NTN1: variants seen among roughly 807,000 people sequenced by gnomAD.
NTN1 encodes the protein netrin-1.
A neutral mutation model predicts 54.2 loss-of-function variants in NTN1; 11 were observed. That is an observed-to-expected ratio of 0.20 (90% CI 0.13 to 0.34). The LOEUF (loss-of-function observed/expected upper bound fraction) is 0.34, where lower values mean the gene tolerates loss of function less well. NTN1 is among the 10% of genes least tolerant of loss of function. NTN1 has a pLI of 1.00. For missense variants in NTN1, 740 were observed against 893.1 expected, an observed-to-expected ratio of 0.83 and a Z score of 2.18; for synonymous variants, 371 against 382.0, an observed-to-expected ratio of 0.97 and a Z score of 0.33.
chr17:9,017,467 C>A (rs111905778), upstream of NTN1, among the ~76,000 whole-genome samples: 489 of 152,306 alleles, frequency 3.2e-3, 7 homozygotes, highest in African/African-American at 0.011. Flanking sequence ...CCCCTCCTTC[C>A]TTGCAACGCT....
intron 2 of NTN1, among the ~76,000 whole-genome samples, chr17:9,090,066 G>A (rs1192513166): frequency 1.3e-5 from 2 of 152,116 alleles, no homozygotes; most frequent in African/African-American, 2.4e-5. Flanking sequence ...GCTGGAGGAC[G>A]GGCTGTGGGT....
chr17:9,143,799 C>A (rs1308674520), intron 2 of NTN1, among the ~76,000 whole-genome samples: 1 of 152,160 alleles, frequency 6.6e-6, no homozygotes, highest in Non-Finnish European at 1.5e-5. Context: ...GCTAGCTTTA[C>A]TTCCTAAGGG....
At chr17:9,072,903 T>G (rs547819432) in intron 2 of NTN1, among the ~76,000 whole-genome samples, 1 of 152,180 alleles carries the variant, frequency 6.6e-6, no homozygotes, top group Non-Finnish European at 1.5e-5. Flanking sequence ...TTTCTGGCAA[T>G]CCGGAATGGG....
intron 2 of NTN1, among the ~76,000 whole-genome samples, chr17:9,087,973 C>T (rs761215771): frequency 6.6e-6 from 1 of 152,218 alleles, no homozygotes; most frequent in Non-Finnish European, 1.5e-5. Context: ...CCAATTCGAC[C>T]AGGAGGCTGA....
chr17:9,155,946 C>G (rs2092340715), intron 2 of NTN1, among the ~76,000 whole-genome samples: 1 of 152,168 alleles, frequency 6.6e-6, no homozygotes, highest in Non-Finnish European at 1.5e-5. Context: ...ACAAAATTGC[C>G]ACCGGTTGAG....
chr17:9,234,068 C>T (rs943591399), intron 6 of NTN1, among the ~76,000 whole-genome samples: 1 of 152,260 alleles, frequency 6.6e-6, no homozygotes, highest in African/African-American at 2.4e-5. Flanking sequence ...TGGCCCTGAG[C>T]CCCTTTCTTG....
intron 5 of NTN1, among the ~76,000 whole-genome samples, chr17:9,200,919 C>T (rs994836996): frequency 9.9e-5 from 15 of 152,262 alleles, no homozygotes; most frequent in South Asian, 4.1e-4. Flanking sequence ...CAGTGGCAGG[C>T]GTCACTAAGA....
rs537875516 is a variant in NTN1 at position 9,225,398 on chromosome 17, G to A, written c.1486+4156G>A. 3.9e-5 allele frequency among the ~76,000 whole-genome samples: 6 copies of A among 152,314 alleles called. No individual in the cohort carries two copies. In the East Asian group the frequency reaches 1.2e-3, roughly 29 times the overall value. ...AGGGCTCAGAGGAGCCCTGCGGGGT[G>A]GGGTGGCAGGGCCTCGGGGAGTGTG... On this transcript the variant is annotated intron_variant, in intron 6 of 6. Transcript: ENST00000173229.
chr17:9,029,990 CA>C (rs11393526), intron 2 of NTN1, among the ~76,000 whole-genome samples: 3 of 148,164 alleles, frequency 2.0e-5, no homozygotes, highest in African/African-American at 2.5e-5. Flanking sequence ...AACTCCGTCT[CA>C]AAAAAAAAAG....
intron 2 of NTN1, among the ~76,000 whole-genome samples, chr17:9,146,062 G>A (rs1403516550): frequency 6.6e-6 from 1 of 152,200 alleles, no homozygotes; most frequent in Non-Finnish European, 1.5e-5. Flanking sequence ...GCTGTCTAGG[G>A]TTTGGGAGAC....
chr17:9,163,014 T>C lies in NTN1; in HGVS notation c.1207+13T>C. On this transcript the variant is annotated intron_variant, in intron 3 of 6. Coordinates refer to ENST00000173229, the MANE Select transcript of NTN1 (RefSeq NM_004822.3). ...AAGGCCTGCAAAGGTGGGCTACACG[T>C]GGCGGGGCGGGGGGCTGGGGAGACC... The C allele has an allele frequency of 6.3e-7, 1 of 1,587,252 alleles. No homozygotes were observed. The highest frequency in any genetic ancestry group is 8.6e-7 in the Non-Finnish European group (1 of 1,164,422).
chr17:9,123,370 T>C (rs1378792138), intron 2 of NTN1, among the ~76,000 whole-genome samples: 1 of 152,230 alleles, frequency 6.6e-6, no homozygotes, highest in Non-Finnish European at 1.5e-5. Flanking sequence ...ATGAACTCCT[T>C]ACATATGAAA....
At chr17:9,080,804 AG>A (rs1424469270) in intron 2 of NTN1, among the ~76,000 whole-genome samples, 1 of 152,222 alleles carries the variant, frequency 6.6e-6, no homozygotes, top group Non-Finnish European at 1.5e-5. Flanking sequence ...AAAACTCAGA[AG>A]GACAGCGTTT....
At chr17:9,031,592 A>G (rs1041015751) in intron 2 of NTN1, among the ~76,000 whole-genome samples, 2 of 152,152 alleles carry the variant, frequency 1.3e-5, no homozygotes, top group African/African-American at 4.8e-5. Flanking sequence ...CTTTGTATAC[A>G]TGGACATTTC....
Position 9,042,971 on chromosome 17 carries a change from C to T in NTN1, c.1018+19580C>T, listed in dbSNP as rs574815214. Among the ~76,000 whole-genome samples, 251 of 152,208 alleles carry T rather than the reference C, an allele frequency of 1.6e-3. 1 individual carries two copies. Among genetic ancestry groups the T allele is most frequent in the African/African-American group, 5.9e-3 (244 of 41,516 alleles). ...GTTTGTTAGAATTAGCCCATCTGAG[C>T]CCTGTGTCATTTTTGAAAGTAGTTA... On this transcript the variant is annotated intron_variant, in intron 2 of 6. Transcript: ENST00000173229.
intron 2 of NTN1, among the ~76,000 whole-genome samples, chr17:9,052,769 A>T (rs1487924690): frequency 6.6e-6 from 1 of 152,150 alleles, no homozygotes; most frequent in Non-Finnish European, 1.5e-5. Context: ...ACATAAATCC[A>T]TCTGTATGCT....
At chr17:9,125,160 C>T (rs137940337) in intron 2 of NTN1, among the ~76,000 whole-genome samples, 3 of 151,902 alleles carry the variant, frequency 2.0e-5, no homozygotes, top group African/African-American at 7.2e-5. Flanking sequence ...CAGGTGGGCT[C>T]AAGCAGTCCT....
At chr17:9,026,952 G>A (rs2091873248) in intron 2 of NTN1, among the ~76,000 whole-genome samples, 1 of 133,820 alleles carries the variant, frequency 7.5e-6, no homozygotes, top group Non-Finnish European at 1.6e-5. Flanking sequence ...ACCGTGCTGG[G>A]TTGGCCTCTT....
At chr17:9,080,959 C>T (rs988531578) in intron 2 of NTN1, among the ~76,000 whole-genome samples, 12 of 152,108 alleles carry the variant, frequency 7.9e-5, no homozygotes, top group African/African-American at 2.7e-4. Context: ...TATAATTAAC[C>T]GGCAAATGTG....
Sources: allele counts gnomAD v4.1 joint callset (sites outside exome capture counted in the v4.1 genomes callset), GRCh38; gene constraint gnomAD v4.1.1; transcripts MANE v1.5; gene names NCBI Gene and HGNC (gene_info 2026-07-23, HGNC 2026-07-21).